Variants in TENM3 observed in about 807,000 individuals in gnomAD.
TENM3 encodes the protein teneurin transmembrane protein 3.
Under a neutral mutation model 255.1 loss-of-function variants are expected in TENM3, and 63 were observed. The ratio of observed to expected loss-of-function variants is 0.25; its 90% CI spans 0.20 to 0.30. TENM3 has a LOEUF of 0.30. Ranked by LOEUF, TENM3 falls within the 10% of genes least tolerant of loss-of-function variation. TENM3 has a pLI of 1.00. For missense variants in TENM3, 2,929 were observed against 3,461.1 expected, an observed-to-expected ratio of 0.85 and a Z score of 3.86; for synonymous variants, 1,306 against 1,322.3, an observed-to-expected ratio of 0.99 and a Z score of 0.27.
chr4:181,719,414 G>A, the TENM3 span, among the ~76,000 whole-genome samples: 1 of 152,012 alleles, frequency 6.6e-6, no homozygotes, highest in Non-Finnish European at 1.5e-5. Context: ...TATAAACAAC[G>A]GACATTTATT....
At position 182,796,648 on chromosome 4, in the gene TENM3, T is replaced by C. The variant is rs1462506842; in HGVS notation, c.7225T>C (p.Trp2409Arg). Residue 2409 changes from tryptophan to arginine, a missense_variant, in exon 27 of 28, where the codon TGG becomes CGG. Physicochemically the swap from Trp to Arg is moderately radical, Grantham distance 101. Coordinates refer to ENST00000511685, the MANE Select transcript of TENM3 (RefSeq NM_001080477.4). ...VKDYITDVNS[W>R]LVTFGFHLHN... ...CATTCTTCTCCTAGATGTTAACAGC[T>C]GGCTGGTGACATTTGGTTTCCATCT... The C allele has an allele frequency of 6.2e-7, 1 of 1,608,262 alleles. No individual in the cohort carries two copies. The highest frequency in any genetic ancestry group is 1.7e-5 in the Admixed American group (1 of 59,152).
chr4:182,474,800 T>A (rs2151475675), intron 3 of TENM3, among the ~76,000 whole-genome samples: 1 of 152,304 alleles, frequency 6.6e-6, no homozygotes, highest in Middle Eastern at 3.4e-3. Context: ...TAATTCTATT[T>A]TATTTGATAT....
the TENM3 span, among the ~76,000 whole-genome samples, chr4:182,086,833 T>C: frequency 2.8e-4 from 42 of 152,334 alleles, no homozygotes; most frequent in African/African-American, 9.9e-4. Context: ...AAGACATCTT[T>C]TGAATATGAA....
intron 1 of TENM3, among the ~76,000 whole-genome samples, chr4:182,177,614 AT>A (rs5864769): frequency 0.061 from 8,133 of 132,730 alleles, 335 homozygotes; most frequent in South Asian, 0.23. Flanking sequence ...ATATATATAT[AT>A]TTTTTTTTTT....
chr4:181,831,831 A>G, the TENM3 span, among the ~76,000 whole-genome samples: 2 of 152,116 alleles, frequency 1.3e-5, no homozygotes, highest in Admixed American at 1.3e-4. Flanking sequence ...TGATATTACC[A>G]TGGGTGAAAA....
At chr4:182,112,698 T>G in the TENM3 span, among the ~76,000 whole-genome samples, 1 of 152,210 alleles carries the variant, frequency 6.6e-6, no homozygotes, top group Non-Finnish European at 1.5e-5. Context: ...ATAAAAACCG[T>G]ATACAAAGTT....
At chr4:181,761,276 C>T in the TENM3 span, among the ~76,000 whole-genome samples, 4 of 151,942 alleles carry the variant, frequency 2.6e-5, no homozygotes, top group Admixed American at 6.6e-5. Context: ...TGCTTATACA[C>T]GAGAGATGAA....
At chr4:181,906,239 T>A in the TENM3 span, 3 of 206,924 alleles carry the variant, frequency 1.4e-5, no homozygotes, top group Non-Finnish European at 2.9e-5. Context: ...AGTAAGTCTT[T>A]AAATCAGTGA....
intron 3 of TENM3, among the ~76,000 whole-genome samples, chr4:182,473,437 G>A (rs1444381396): frequency 1.3e-5 from 2 of 152,196 alleles, no homozygotes; most frequent in African/African-American, 4.8e-5. Context: ...ACTTTGGGAG[G>A]CCAAGGCGGG....
the TENM3 span, among the ~76,000 whole-genome samples, chr4:181,889,095 A>T: frequency 3.3e-5 from 5 of 152,110 alleles, no homozygotes; most frequent in African/African-American, 9.7e-5. Context: ...CTACACTTAC[A>T]TGGTGACATG....
chr4:182,157,851 C>T (rs150560926), intron 1 of TENM3, among the ~76,000 whole-genome samples: 1 of 152,326 alleles, frequency 6.6e-6, no homozygotes, highest in East Asian at 1.9e-4. Context: ...CAGGTAACAG[C>T]AACACCAGCA....
At chr4:181,883,182 G>A in the TENM3 span, among the ~76,000 whole-genome samples, 1 of 127,890 alleles carries the variant, frequency 7.8e-6, no homozygotes, top group Admixed American at 9.4e-5. Flanking sequence ...TTGAAATGAC[G>A]GGTAAAAAAG....
chr4:182,389,668 A>G (rs1370035733), intron 3 of TENM3, among the ~76,000 whole-genome samples: 2 of 150,716 alleles, frequency 1.3e-5, no homozygotes, highest in Non-Finnish European at 2.9e-5. Flanking sequence ...TGTAGTTGCA[A>G]AGCTGCACTG....
intron 3 of TENM3, among the ~76,000 whole-genome samples, chr4:182,494,511 C>T (rs1020750960): frequency 2.6e-5 from 4 of 152,058 alleles, no homozygotes; most frequent in East Asian, 3.9e-4. Context: ...GTATATATAG[C>T]GTTCAGTTTC....
intron 6 of TENM3, among the ~76,000 whole-genome samples, chr4:182,659,634 T>C (rs1298252636): frequency 6.6e-6 from 1 of 152,138 alleles, no homozygotes; most frequent in Non-Finnish European, 1.5e-5. Context: ...AGTCTCTAAG[T>C]TCCTTCAACT....
chr4:182,793,055 A>G lies in TENM3; in HGVS notation c.6383A>G (p.Tyr2128Cys), dbSNP rs754739700. Reference sequence around the variant, plus strand: ...GGGCCCTTTGCCAACACCACCAAATATGCTTATGAATATGATGTTGATGGA... The same window carrying G: ...GGGCCCTTTGCCAACACCACCAAATGTGCTTATGAATATGATGTTGATGGA... ...KIGPFANTTK[Y>C]AYEYDVDGQL... Residue 2128 changes from tyrosine to cysteine, a missense_variant, in exon 26 of 28, where the codon TAT (tyrosine) becomes TGT (cysteine). Physicochemically the swap from Tyr to Cys is radical, Grantham distance 194. Around this residue, in one of 6 missense-constraint regions of TENM3, gnomAD observed 256 missense variants for 389.3 expected, o/e 0.66. Transcript: ENST00000511685. This position sits in a 1 kb window ranked among gnomAD's most constrained non-coding sequence, Gnocchi z 5.7. 7.4e-6 allele frequency: 12 copies of G among 1,613,976 alleles called. No homozygotes were observed. In the South Asian group the frequency reaches 1.2e-4, roughly 16 times the overall value.
At chr4:181,898,261 TAC>T in the TENM3 span, among the ~76,000 whole-genome samples, 67 of 149,584 alleles carry the variant, frequency 4.5e-4, no homozygotes, top group Admixed American at 8.0e-4. Flanking sequence ...CATCTGCAGC[TAC>T]ACACACACAC....
At chr4:181,609,097 T>C in the TENM3 span, among the ~76,000 whole-genome samples, 1 of 151,390 alleles carries the variant, frequency 6.6e-6, no homozygotes, top group Admixed American at 6.6e-5. Context: ...AGAAAGGAAG[T>C]AAGGGGAAAA....
At chr4:182,661,934 A>C (rs1359166618) in intron 6 of TENM3, among the ~76,000 whole-genome samples, 1 of 152,232 alleles carries the variant, frequency 6.6e-6, no homozygotes, top group Non-Finnish European at 1.5e-5. Flanking sequence ...CATGATATAT[A>C]TGGCAGAAAA....
Sources: allele counts gnomAD v4.1 joint callset (sites outside exome capture counted in the v4.1 genomes callset), GRCh38; gene constraint gnomAD v4.1.1; regional missense constraint gnomAD v4.1.1; non-coding constraint Gnocchi (gnomAD v3.1); transcripts MANE v1.5; gene names NCBI Gene and HGNC (gene_info 2026-07-23, HGNC 2026-07-21).